L3MBTL4: variants seen among roughly 807,000 people sequenced by gnomAD.
The protein encoded by L3MBTL4 is L3MBTL histone methyl-lysine binding protein 4.
A neutral mutation model predicts 84.5 loss-of-function variants in L3MBTL4; 70 were observed. The observed-to-expected ratio is 0.83, with a 90% CI of 0.68 to 1.01. L3MBTL4 has a LOEUF of 1.01. Ranked by LOEUF, L3MBTL4 falls within the 50% of genes least tolerant of loss-of-function variation. The pLI, the probability that L3MBTL4 is intolerant of heterozygous loss-of-function variation, is 0.00. For missense variants in L3MBTL4, 715 were observed against 754.8 expected (o/e 0.95, Z 0.62); for synonymous variants, 274 against 259.8 (o/e 1.05, Z -0.52).
intron 15 of L3MBTL4, among the ~76,000 whole-genome samples, chr18:6,086,881 C>T (rs537653928): frequency 3.6e-4 from 55 of 152,288 alleles, no homozygotes; most frequent in Middle Eastern, 6.8e-3. Context: ...TAGCACCTAA[C>T]ACACCACTTG....
At chr18:6,341,979 G>T (rs2052629561) in intron 1 of L3MBTL4, among the ~76,000 whole-genome samples, 1 of 152,138 alleles carries the variant, frequency 6.6e-6, no homozygotes, top group Admixed American at 6.5e-5. Flanking sequence ...GAGAGAGTGG[G>T]ATGATATATT....
At position 6,354,611 on chromosome 18, in the gene L3MBTL4, T is replaced by A. The variant is rs917193859; in HGVS notation, c.-90-42555A>T. Among the ~76,000 whole-genome samples the A allele has an allele frequency of 1.7e-4, 26 of 152,088 alleles. 1 individual carries two copies. Among genetic ancestry groups the A allele is most frequent in the African/African-American group, 6.0e-4 (25 of 41,432 alleles). ...AAAATCTAATAATCCAATTTAAAAA[T>A]GCATAAAAGATTTAAATAGACATTT... On this transcript the variant is annotated intron_variant, in intron 1 of 18. Coordinates refer to ENST00000317931, the MANE Select transcript of L3MBTL4 (RefSeq NM_001330559.2).
rs60294342 is a variant in L3MBTL4, at chr18:6,004,997, ATTTTTTTTT to A, written c.1445-35444_1445-35436del. On this transcript the variant is annotated intron_variant, in intron 16 of 18. Coordinates refer to ENST00000317931, the MANE Select transcript of L3MBTL4 (RefSeq NM_001330559.2). ...ACACATAAAAATGGTTAAGATGATA[ATTTTTTTTT>A]TTTTTTTTTTTTTTTTTTTTTACTT... Among the ~76,000 whole-genome samples the A allele has an allele frequency of 3.6e-4, 19 of 52,158 alleles. No homozygotes were observed. In the South Asian group the frequency reaches 6.0e-3, roughly 16 times the overall value. The allele number at this position is 52,158 out of a possible 152,430, so 34.2% of individuals were successfully genotyped here.
At chr18:6,257,836 G>C (rs2048218684) in intron 5 of L3MBTL4, among the ~76,000 whole-genome samples, 1 of 151,800 alleles carries the variant, frequency 6.6e-6, no homozygotes, top group South Asian at 2.1e-4. Flanking sequence ...AGTAGAGACG[G>C]GGTTTCTCCA....
At chr18:6,021,520 T>A (rs1164604753) in intron 16 of L3MBTL4, among the ~76,000 whole-genome samples, 1 of 152,198 alleles carries the variant, frequency 6.6e-6, no homozygotes, top group Non-Finnish European at 1.5e-5. Context: ...CGGCGTGCCA[T>A]CCTGTTCCCC....
At position 6,200,238 on chromosome 18, in the gene L3MBTL4, C is replaced by T. The variant is rs371257392; in HGVS notation, c.981+12911G>A. ...GAAGATGCAATTATATTTTGTATAT[C>T]AATTTGGGGCTTTGGGATTTTTCAT... On this transcript the variant is annotated intron_variant, in intron 12 of 18. Transcript: ENST00000317931. Among the ~76,000 whole-genome samples the T allele has an allele frequency of 4.6e-5, 7 of 152,276 alleles. 1 individual carries two copies. Among genetic ancestry groups the T allele is most frequent in the East Asian group, 1.9e-4 (1 of 5,174 alleles).
chr18:6,123,808 G>A (rs1362231588), intron 14 of L3MBTL4, among the ~76,000 whole-genome samples: 2 of 152,198 alleles, frequency 1.3e-5, no homozygotes, highest in Admixed American at 6.5e-5. Context: ...CATTACAACA[G>A]TTATTCTTAA....
intron 1 of L3MBTL4, among the ~76,000 whole-genome samples, chr18:6,347,548 A>T (rs1350235535): frequency 6.6e-6 from 1 of 151,782 alleles, no homozygotes; most frequent in Admixed American, 6.6e-5. Flanking sequence ...ATTAATTAAA[A>T]CATGGGAGGA....
chr18:6,127,350 G>C (rs2059727468), intron 14 of L3MBTL4, among the ~76,000 whole-genome samples: 1 of 152,172 alleles, frequency 6.6e-6, no homozygotes, highest in Non-Finnish European at 1.5e-5. Context: ...TGTGGCCCAA[G>C]ACGATGCTTC....
intron 1 of L3MBTL4, among the ~76,000 whole-genome samples, chr18:6,351,967 T>A (rs1424620827): frequency 3.3e-5 from 5 of 152,148 alleles, no homozygotes; most frequent in Non-Finnish European, 7.4e-5. Flanking sequence ...ATGACAGGCA[T>A]GAGCCACCAC....
intron 12 of L3MBTL4, among the ~76,000 whole-genome samples, chr18:6,212,134 C>T (rs2046134239): frequency 6.6e-6 from 1 of 152,060 alleles, no homozygotes; most frequent in East Asian, 1.9e-4. Context: ...TGGTAAAATA[C>T]CTATGTTATT....
intron 10 of L3MBTL4, among the ~76,000 whole-genome samples, chr18:6,233,778 G>A (rs991692905): frequency 2.0e-5 from 3 of 152,102 alleles, no homozygotes; most frequent in African/African-American, 7.2e-5. Flanking sequence ...TCCCCATCAA[G>A]CTACCAATGA....
At chr18:6,245,314 C>T (rs1477074104) in intron 5 of L3MBTL4, among the ~76,000 whole-genome samples, 1 of 152,092 alleles carries the variant, frequency 6.6e-6, no homozygotes, top group Admixed American at 6.6e-5. Flanking sequence ...TGTTAATATG[C>T]TTTGAAATAG....
At chr18:6,075,480 A>G (rs1185312024) in intron 16 of L3MBTL4, among the ~76,000 whole-genome samples, 1 of 152,202 alleles carries the variant, frequency 6.6e-6, no homozygotes, top group Non-Finnish European at 1.5e-5. Context: ...TGAATATTCA[A>G]AGAAAAAGTA....
chr18:6,071,767 A>G (rs1343809097), intron 16 of L3MBTL4, among the ~76,000 whole-genome samples: 4 of 103,888 alleles, frequency 3.9e-5, no homozygotes, highest in Admixed American at 1.1e-4. Flanking sequence ...GAAAAAAAGA[A>G]AGAAAGAAAG....
chr18:6,000,985 G>C (rs2054185715), intron 16 of L3MBTL4, among the ~76,000 whole-genome samples: 1 of 152,144 alleles, frequency 6.6e-6, no homozygotes, highest in African/African-American at 2.4e-5. Flanking sequence ...CTTAGATGGT[G>C]GTAAATCATG....
Position 5,954,949 on chromosome 18 carries a change from T to A in L3MBTL4, c.*1271A>T, listed in dbSNP as rs191169638. 1 of 151,950 alleles carries A rather than the reference T, an allele frequency of 6.6e-6. No individual in the cohort carries two copies. Among genetic ancestry groups the A allele is most frequent in the South Asian group, 2.1e-4 (1 of 4,816 alleles). The allele number at this position is 151,950 out of a possible 1,614,324, so 9.4% of individuals were successfully genotyped here. ...TTTATTTTCTTCAGTGAAAAAAAAA[T>A]GTAAAGCTTGAGAAATTCTCCAAGC... On this transcript the variant is annotated 3_prime_UTR_variant, in exon 19 of 19. Transcript: ENST00000317931.
At chr18:6,374,003 T>C (rs1340303595) in intron 1 of L3MBTL4, among the ~76,000 whole-genome samples, 1 of 152,194 alleles carries the variant, frequency 6.6e-6, no homozygotes, top group Admixed American at 6.5e-5. Context: ...CTTTTCTTCA[T>C]TGTTGTAATT....
chr18:5,961,986 C>G (rs1047603549), intron 17 of L3MBTL4, among the ~76,000 whole-genome samples: 1 of 152,152 alleles, frequency 6.6e-6, no homozygotes. Flanking sequence ...GACAACTGTG[C>G]TGGCTATATA....
Sources: allele counts gnomAD v4.1 joint callset (sites outside exome capture counted in the v4.1 genomes callset), GRCh38; gene constraint gnomAD v4.1.1; transcripts MANE v1.5; gene names NCBI Gene and HGNC (gene_info 2026-07-23, HGNC 2026-07-21).